Variants in GOLGA5 observed in about 807,000 individuals in gnomAD.
GOLGA5 encodes the protein golgin subfamily A member 5.
A neutral mutation model predicts 93.5 loss-of-function variants in GOLGA5; 50 were observed. The ratio of observed to expected loss-of-function variants is 0.53; its 90% CI spans 0.43 to 0.68. The LOEUF (loss-of-function observed/expected upper bound fraction) is 0.68. Among genes scored for constraint, GOLGA5 ranks in the 30% least tolerant of loss-of-function variants. The pLI is 0.00. For synonymous variants in GOLGA5, 312 were observed against 304.5 expected, an observed-to-expected ratio of 1.02 and a Z score of -0.26; for missense variants, 760 against 856.4, an observed-to-expected ratio of 0.89 and a Z score of 1.40.
At chr14:92,815,440 C>G (rs980895489) in intron 6 of GOLGA5, among the ~76,000 whole-genome samples, 2 of 152,128 alleles carry the variant, frequency 1.3e-5, no homozygotes, top group Admixed American at 1.3e-4. Flanking sequence ...AGGGTACTAT[C>G]TATAGAGAGA....
chr14:92,830,012 A>T (rs752743676), intron 9 of GOLGA5, among the ~76,000 whole-genome samples: 3 of 152,290 alleles, frequency 2.0e-5, no homozygotes, highest in Middle Eastern at 3.4e-3. Context: ...AATGATGGTT[A>T]GCATGTTTAT....
intron 12 of GOLGA5, among the ~76,000 whole-genome samples, chr14:92,838,656 G>A (rs1885696781): frequency 6.6e-6 from 1 of 152,168 alleles, no homozygotes; most frequent in South Asian, 2.1e-4. Flanking sequence ...GTGAGCCACT[G>A]CACCTGGCAT....
intron 9 of GOLGA5, among the ~76,000 whole-genome samples, chr14:92,830,633 T>C (rs1885511037): frequency 6.6e-6 from 1 of 152,188 alleles, no homozygotes; most frequent in Non-Finnish European, 1.5e-5. Flanking sequence ...GGATATTTGC[T>C]CTGTCACCCG....
intron 9 of GOLGA5, among the ~76,000 whole-genome samples, chr14:92,825,480 AACC>A (rs1442208482): frequency 1.3e-5 from 2 of 152,226 alleles, no homozygotes; most frequent in African/African-American, 4.8e-5. Flanking sequence ...AAGGAGCAAA[AACC>A]ACCAATTGGT....
intron 12 of GOLGA5, among the ~76,000 whole-genome samples, chr14:92,839,165 C>T (rs1327201224): frequency 2.0e-5 from 3 of 152,218 alleles, no homozygotes; most frequent in Admixed American, 2.0e-4. Flanking sequence ...GCTGACTCCT[C>T]TCAACTGAAT....
intron 7 of GOLGA5, 106 bp downstream of exon 7, chr14:92,816,527 T>TTCGCTTCGCTTCGCTTCG (rs142530146): frequency 2.9e-6 from 2 of 690,048 alleles, no homozygotes; most frequent in African/African-American, 3.6e-5. Context: ...TTCTCGCTTC[T>TTCGCTTCGCTTCGCTTCG]CTTCGCTTCG....
rs924808091 is a variant in GOLGA5, at chr14:92,807,179, G to A, written c.772+216G>A. Among the ~76,000 whole-genome samples the A allele has an allele frequency of 4.6e-5, 7 of 152,126 alleles. No homozygotes were observed. In the South Asian group the frequency reaches 1.2e-3, roughly 27 times the overall value. On this transcript the variant is annotated intron_variant, in intron 3 of 12. Coordinates refer to ENST00000163416, the MANE Select transcript of GOLGA5 (RefSeq NM_005113.4). ...TAGTCAGATGTGGTTGCAGGCACCT[G>A]TAATCCCAGCCACTCAGGAGGCTGA...
At chr14:92,822,989 C>T (rs1186835852) in intron 8 of GOLGA5, among the ~76,000 whole-genome samples, 1 of 152,152 alleles carries the variant, frequency 6.6e-6, no homozygotes, top group East Asian at 1.9e-4. Flanking sequence ...TCAACTTTAT[C>T]ATTCTTTTCT....
rs2045273278 is a variant in GOLGA5, at chr14:92,797,513, C to G, written c.76C>G (p.Leu26Val). The G allele has an allele frequency of 6.2e-7, 1 of 1,613,298 alleles. No individual in the cohort carries two copies. Among genetic ancestry groups the G allele is most frequent in the Non-Finnish European group, 8.5e-7 (1 of 1,179,288 alleles). Reference sequence around the variant, plus strand: ...AGTTGATCAAGGGGCTGCAACAGCTCTCAGTAGGAAAGACAATGCCAGCAA... The same window carrying G: ...AGTTGATCAAGGGGCTGCAACAGCTGTCAGTAGGAAAGACAATGCCAGCAA... ...NRVDQGAATA[L>V]SRKDNASNIY... Residue 26 changes from leucine (L) to valine (V), a missense_variant, in exon 2 of 13, where the codon CTC becomes GTC. By Grantham distance (32) the Leu-to-Val change is conservative. Transcript: ENST00000163416.
intron 6 of GOLGA5, among the ~76,000 whole-genome samples, chr14:92,812,925 A>G (rs995894680): frequency 6.6e-6 from 1 of 152,130 alleles, no homozygotes; most frequent in Non-Finnish European, 1.5e-5. Context: ...GACTTCAAGC[A>G]TGTTTCCAAG....
chr14:92,820,756 A>AG (rs1358656759), intron 8 of GOLGA5, among the ~76,000 whole-genome samples: 3 of 152,190 alleles, frequency 2.0e-5, no homozygotes. Context: ...CACTGCCTGT[A>AG]AACATTTTGT....
rs138608066 is a variant in GOLGA5 at position 92,831,256 on chromosome 14, C to T, written c.1720-1866C>T. Among the ~76,000 whole-genome samples the T allele has an allele frequency of 2.7e-4, 41 of 152,224 alleles. No homozygotes were observed. In the East Asian group the frequency reaches 6.0e-3, roughly 22 times the overall value. ...CTAACCTGTGACTTTAGATATTTACCCAGTGTAAATGAAGATGTATGACCA... is the reference window on the plus strand; with the variant it reads ...CTAACCTGTGACTTTAGATATTTACTCAGTGTAAATGAAGATGTATGACCA... On this transcript the variant is annotated intron_variant, in intron 9 of 12. Coordinates refer to ENST00000163416, the MANE Select transcript of GOLGA5 (RefSeq NM_005113.4).
chr14:92,830,723 C>A (rs140246561), intron 9 of GOLGA5, among the ~76,000 whole-genome samples: 11 of 152,086 alleles, frequency 7.2e-5, no homozygotes, highest in Non-Finnish European at 1.3e-4. Context: ...CCTCAGCCCC[C>A]CAAGTGGCTG....
chr14:92,807,703 C>A (rs1351508765), intron 3 of GOLGA5, among the ~76,000 whole-genome samples: 1 of 152,058 alleles, frequency 6.6e-6, no homozygotes, highest in Non-Finnish European at 1.5e-5. Context: ...AGTGAGGTGG[C>A]CCTGGAGTAG....
rs1885074034 is a variant in GOLGA5 at position 92,810,158 on chromosome 14, T to C, written c.993-96T>C. ...GAATATTTCAGTCAAATTATCTTTT[T>C]TGTGCTTGACTAAAGCTGACGCTCT... On this transcript the variant is annotated intron_variant, in intron 4 of 12. Coordinates refer to ENST00000163416, the MANE Select transcript of GOLGA5 (RefSeq NM_005113.4). The C allele has an allele frequency of 5.0e-6, 4 of 794,672 alleles. No homozygotes were observed. In the South Asian group the frequency reaches 6.9e-5, roughly 14 times the overall value. The allele number at this position is 794,672 out of a possible 1,614,324, so 49.2% of individuals were successfully genotyped here.
Position 92,797,988 on chromosome 14 carries a change from A to C in GOLGA5, c.544+7A>C. The C allele has an allele frequency of 6.5e-7, 1 of 1,546,182 alleles. No homozygotes were observed. Among genetic ancestry groups the C allele is most frequent in the Non-Finnish European group, 8.7e-7 (1 of 1,144,624 alleles). The stretch of plus-strand genomic sequence containing the variant: ...TTTGGGAGCCAAACCCACGGTAGTT[A>C]ATCAGTCCTCTTATTTCTTTTAGAG... On this transcript the variant is annotated splice_region_variant and intron_variant, in intron 2 of 12. Coordinates refer to ENST00000163416, the MANE Select transcript of GOLGA5 (RefSeq NM_005113.4).
intron 1 of GOLGA5, among the ~76,000 whole-genome samples, chr14:92,796,207 T>C (rs552521271): frequency 6.6e-5 from 10 of 152,274 alleles, no homozygotes; most frequent in Non-Finnish European, 1.5e-4. Flanking sequence ...TTTCAAGTTT[T>C]AGCACTTTAA....
chr14:92,828,604 C>A (rs1239405408), intron 9 of GOLGA5, among the ~76,000 whole-genome samples: 1 of 152,158 alleles, frequency 6.6e-6, no homozygotes, highest in Non-Finnish European at 1.5e-5. Flanking sequence ...AATACAATAT[C>A]CATTTGGCAG....
intron 2 of GOLGA5, among the ~76,000 whole-genome samples, chr14:92,805,672 C>T (rs1884969146): frequency 6.6e-6 from 1 of 152,070 alleles, no homozygotes; most frequent in Non-Finnish European, 1.5e-5. Flanking sequence ...TTTAGCCATT[C>T]TAGGGGGTGT....
Sources: allele counts gnomAD v4.1 joint callset (sites outside exome capture counted in the v4.1 genomes callset), GRCh38; gene constraint gnomAD v4.1.1; transcripts MANE v1.5; gene names NCBI Gene and HGNC (gene_info 2026-07-23, HGNC 2026-07-21).